The following ZC3H8 variants were observed in gnomAD, a reference collection of about 807,000 sequenced individuals.
ZC3H8 encodes zinc finger CCCH-type containing 8.
In ZC3H8, 27 loss-of-function variants were observed where a neutral mutation model predicts 42.5. The observed-to-expected ratio is 0.64, with a 90% confidence interval of 0.47 to 0.88. The LOEUF is 0.88. Among genes scored for constraint, ZC3H8 ranks in the 40% least tolerant of loss-of-function variants. The pLI is 0.00. For missense variants in ZC3H8, 277 were observed against 336.1 expected (o/e 0.82, Z 1.37); for synonymous variants, 101 against 110.1 (o/e 0.92, Z 0.52).
rs561766916 is a variant in ZC3H8, at chr2:112,240,172, T to C, written c.157-1644A>G. Among the ~76,000 whole-genome samples, 62 of 152,336 alleles carry C rather than the reference T, an allele frequency of 4.1e-4. No individual in the cohort carries two copies. In the South Asian group the frequency reaches 0.011, roughly 28 times the overall value. ...CTTGTAAATGTAACTTCTGGACTGA[T>C]AGATCAGGGGTTGGCAAATTTTCAG... On this transcript the variant is annotated intron_variant, in intron 2 of 8. Coordinates refer to ENST00000409573, the MANE Select transcript of ZC3H8 (RefSeq NM_032494.3).
At chr2:112,248,341 G>GA in intron 2 of ZC3H8, among the ~76,000 whole-genome samples, 1 of 132,576 alleles carries the variant, frequency 7.5e-6, no homozygotes, top group Middle Eastern at 3.8e-3. Context: ...AGAAAGAAAA[G>GA]AAAGAAAAAG....
Position 112,231,869 on chromosome 2 carries a change from A to T in ZC3H8, c.812T>A (p.Leu271Gln), listed in dbSNP as rs1382662114. ...GEYCKFSHAP[L>Q]TPETQELLAK... ...CAACAATTCTTGTGTTTCAGGAGTC[A>T]GTGGAGCATGAGAAAACTTGCAGTA... The change falls in exon 7 of 9, where the codon CTG becomes CAG. Residue 271 changes from leucine to glutamine, a missense_variant. Leu to Gln is a moderately radical substitution (Grantham distance 113). Transcript: ENST00000409573. 2 of 1,594,660 alleles carry T rather than the reference A, an allele frequency of 1.3e-6. No homozygotes were observed. The highest frequency in any genetic ancestry group is 1.7e-6 in the Non-Finnish European group (2 of 1,167,802).
chr2:112,252,704 G>C (rs1033263854), intron 1 of ZC3H8, among the ~76,000 whole-genome samples: 8 of 151,958 alleles, frequency 5.3e-5, no homozygotes, highest in African/African-American at 1.9e-4. Flanking sequence ...ATCACACCAA[G>C]CTCACTCCGT....
chr2:112,235,852 G>C (rs1156402842), intron 4 of ZC3H8, among the ~76,000 whole-genome samples: 3 of 150,494 alleles, frequency 2.0e-5, no homozygotes, highest in Non-Finnish European at 2.9e-5. Context: ...AAATTTGTAA[G>C]ACTCAGTGGC....
Position 112,254,932 on chromosome 2 carries a change from T to C in ZC3H8, c.50A>G (p.Lys17Arg). 6.2e-7 allele frequency: 1 copy of C among 1,613,558 alleles called. No homozygotes were observed. The highest frequency in any genetic ancestry group is 8.5e-7 in the Non-Finnish European group (1 of 1,179,670). ...CCTTTCGTCAGAGTCCGTGGCCGTT[T>C]TGCCGAGGGCCGGGTTGGGGGGTTT... Reference protein sequence around the residue: ...FSKPPNPALGKTATDSDERID... With the variant: ...FSKPPNPALGRTATDSDERID... The change falls in exon 1 of 9, where the codon AAA becomes AGA. Residue 17 changes from lysine (K) to arginine (R), a missense_variant. By Grantham distance (26) the Lys-to-Arg change is conservative (BLOSUM62 2). Coordinates refer to ENST00000409573, the MANE Select transcript of ZC3H8 (RefSeq NM_032494.3).
chr2:112,252,546 C>T (rs564257945), intron 1 of ZC3H8, among the ~76,000 whole-genome samples: 2 of 152,304 alleles, frequency 1.3e-5, no homozygotes, highest in South Asian at 4.1e-4. Context: ...TCTCTTGTCT[C>T]ATTCAGAGTA....
At chr2:112,239,782 AC>A (rs1300495443) in intron 2 of ZC3H8, among the ~76,000 whole-genome samples, 2 of 151,838 alleles carry the variant, frequency 1.3e-5, no homozygotes, top group Non-Finnish European at 2.9e-5. Flanking sequence ...ACAGGGTTTC[AC>A]CCTATTGGCC....
chr2:112,254,532 CG>C (rs1365333010), intron 1 of ZC3H8, among the ~76,000 whole-genome samples: 1 of 152,222 alleles, frequency 6.6e-6, no homozygotes, highest in Non-Finnish European at 1.5e-5. Context: ...TGGGAGTTTA[CG>C]GTCTCGTGGA....
intron 2 of ZC3H8, chr2:112,240,495 G>C (rs1021173089): frequency 4.6e-4 from 70 of 152,296 alleles, no homozygotes; most frequent in African/African-American, 1.7e-3. Context: ...CAGTGCATCT[G>C]AATCAAAATA....
intron 1 of ZC3H8, among the ~76,000 whole-genome samples, chr2:112,250,810 GA>G (rs1269365650): frequency 6.6e-6 from 1 of 152,244 alleles, no homozygotes; most frequent in East Asian, 1.9e-4. Flanking sequence ...AGGAATGTGA[GA>G]GAGAAGGGTA....
rs1573933842 is a variant in ZC3H8 at position 112,255,013 on chromosome 2, G to A, written c.-32C>T. 3.2e-6 allele frequency: 5 copies of A among 1,577,912 alleles called. No homozygotes were observed. The South Asian group carries it at 4.6e-5, about 15-fold the overall frequency. Reference sequence around the variant, plus strand: ...GACAGGTCCTCCCTTTCGCGAGCCGGGAAGCTACAGAGTAACAACCCGAGA... The same window carrying A: ...GACAGGTCCTCCCTTTCGCGAGCCGAGAAGCTACAGAGTAACAACCCGAGA... On this transcript the variant is annotated 5_prime_UTR_variant, in exon 1 of 9. Transcript: ENST00000409573.
intron 2 of ZC3H8, among the ~76,000 whole-genome samples, chr2:112,242,798 A>G (rs1027228759): frequency 4.6e-5 from 7 of 152,368 alleles, no homozygotes; most frequent in Non-Finnish European, 1.0e-4. Flanking sequence ...GATTAAAATT[A>G]TTCTTTTTTA....
At chr2:112,236,799 C>A (rs1002366968) in intron 3 of ZC3H8, 104 bp from the exon 4 acceptor site, 1 of 1,073,506 alleles carries the variant, frequency 9.3e-7, no homozygotes, top group Admixed American at 2.5e-5. Context: ...GTAATCCCAG[C>A]TCTTTGGGAG....
At chr2:112,253,849 C>T (rs1163030400) in intron 1 of ZC3H8, 1 of 152,164 alleles carries the variant, frequency 6.6e-6, no homozygotes, top group Non-Finnish European at 1.5e-5. Context: ...ATATCATCTG[C>T]AAGTAATTAG....
intron 6 of ZC3H8, among the ~76,000 whole-genome samples, chr2:112,232,233 T>C (rs547062401): frequency 6.6e-6 from 1 of 151,444 alleles, no homozygotes; most frequent in Non-Finnish European, 1.5e-5. Flanking sequence ...CCAAAATCAT[T>C]TGAACCTGGG....
At chr2:112,239,658 C>G (rs977448978) in intron 2 of ZC3H8, among the ~76,000 whole-genome samples, 5 of 141,072 alleles carry the variant, frequency 3.5e-5, no homozygotes, top group African/African-American at 1.3e-4. Flanking sequence ...GATCTTGGCT[C>G]ACTGCAACCT....
At position 112,211,587 on chromosome 2, in the gene ZC3H8, G is replaced by T. The variant is rs1684138944; in HGVS notation, c.*4897C>A. ...CTTCAGTTAAAAATTATATTTAATA[G>T]AATCTAAATGCCACTGAATCAATAA... On this transcript the variant is annotated 3_prime_UTR_variant, in exon 9 of 9. Transcript: ENST00000409573. 1 of 151,978 alleles carries T rather than the reference G, an allele frequency of 6.6e-6. No individual in the cohort carries two copies. The highest frequency in any genetic ancestry group is 2.4e-5 in the African/African-American group (1 of 41,368). 9.4% of individuals were successfully genotyped at this position (151,978 alleles called of 1,614,324 possible). A position where few individuals can be genotyped will look rare whatever the true frequency, so the allele number is the denominator to read the frequency against.
intron 8 of ZC3H8, among the ~76,000 whole-genome samples, chr2:112,222,544 C>A (rs1684634416): frequency 6.6e-6 from 1 of 152,164 alleles, no homozygotes; most frequent in East Asian, 1.9e-4. Context: ...AGGACAAATA[C>A]TATATGATTT....
Position 112,212,176 on chromosome 2 carries a change from T to C in ZC3H8, c.*4308A>G, listed in dbSNP as rs1200429468. 2 of 152,258 alleles carry C rather than the reference T, an allele frequency of 1.3e-5. No homozygotes were observed. Among genetic ancestry groups the C allele is most frequent in the Non-Finnish European group, 2.9e-5 (2 of 68,098 alleles). The allele number at this position is 152,258 out of a possible 1,614,324, so 9.4% of individuals were successfully genotyped here. A position where few individuals can be genotyped will look rare whatever the true frequency, so the allele number is the denominator to read the frequency against. ...GCCATTTTCTTGCCGTGTCCTCACA[T>C]GGTGGAAAAGGGAGACAGCTCCCCA... On this transcript the variant is annotated 3_prime_UTR_variant, in exon 9 of 9. Coordinates refer to ENST00000409573, the MANE Select transcript of ZC3H8 (RefSeq NM_032494.3).
Sources: allele counts gnomAD v4.1 joint callset (sites outside exome capture counted in the v4.1 genomes callset), GRCh38; gene constraint gnomAD v4.1.1; transcripts MANE v1.5; gene names NCBI Gene and HGNC (gene_info 2026-07-23, HGNC 2026-07-21).